TARDBP: variants seen among roughly 807,000 people sequenced by gnomAD.
TARDBP encodes the protein TAR DNA-binding protein 43.
TARDBP carries 4 observed loss-of-function variants against 38.3 expected under a neutral mutation model. That is an observed-to-expected ratio of 0.10 (90% CI 0.05 to 0.24). TARDBP has a LOEUF of 0.24. Ranked by LOEUF, TARDBP falls within the 10% of genes least tolerant of loss-of-function variation. TARDBP has a pLI of 1.00. For missense variants in TARDBP, 202 were observed against 521.9 expected, an observed-to-expected ratio of 0.39 and a Z score of 5.97; for synonymous variants, 184 against 183.8, an observed-to-expected ratio of 1.00 and a Z score of -0.01.
chr1:11,023,672 G>GT lies in TARDBP; in HGVS notation c.*1023dup. On this transcript the variant is annotated 3_prime_UTR_variant, in exon 6 of 6. Coordinates refer to ENST00000240185, the MANE Select transcript of TARDBP (RefSeq NM_007375.4). Reference sequence around the variant, plus strand: ...CATCTGTTGGAAGACTTTTAAGTGAGTTTTTGTTCTTAGATAACCCACATT... The same window carrying GT: ...CATCTGTTGGAAGACTTTTAAGTGAGTTTTTTGTTCTTAGATAACCCACATT... 1 of 196,876 alleles carries GT rather than the reference G, an allele frequency of 5.1e-6. No individual in the cohort carries two copies. The highest frequency in any genetic ancestry group is 1.0e-5 in the Non-Finnish European group (1 of 96,118). The allele number at this position is 196,876 out of a possible 1,614,324, so 12.2% of individuals were successfully genotyped here. A position where few individuals can be genotyped will look rare whatever the true frequency, so the allele number is the denominator to read the frequency against.
chr1:11,028,820 TCTC>T (rs1348965556), downstream of TARDBP, among the ~76,000 whole-genome samples: 1 of 150,514 alleles, frequency 6.6e-6, no homozygotes, highest in Non-Finnish European at 1.5e-5. Context: ...TTCATGCCAT[TCTC>T]CTGCCTCAGC....
At chr1:11,027,440 C>T, downstream of TARDBP, 1 of 1,614,124 alleles carries the variant, frequency 6.2e-7, no homozygotes, top group Non-Finnish European at 8.5e-7. Flanking sequence ...ATAGTCTTTT[C>T]AGGGTGCCCA....
chr1:11,029,687 G>T (rs1643809504), downstream of TARDBP: 1 of 120,014 alleles, frequency 8.3e-6, no homozygotes, highest in Non-Finnish European at 1.6e-5. Flanking sequence ...TGTTGCCCAG[G>T]CTAGAGTATA....
chr1:11,030,110 T>C (rs1643817401), downstream of TARDBP: 2 of 1,181,986 alleles, frequency 1.7e-6, no homozygotes, highest in Non-Finnish European at 2.5e-6. Flanking sequence ...AAAGCTCTCC[T>C]CACTGTCTCC....
At chr1:11,018,665 A>G in intron 3 of TARDBP, 68 bp from the exon 4 acceptor site, 1 of 1,608,836 alleles carries the variant, frequency 6.2e-7, no homozygotes, top group Non-Finnish European at 8.5e-7. Flanking sequence ...TTTCTAAGGA[A>G]CTATGATTTG....
At chr1:11,018,624 CA>C (rs1643576211) in intron 3 of TARDBP, 108 bp from the exon 4 acceptor site, 1 of 1,494,628 alleles carries the variant, frequency 6.7e-7, no homozygotes, top group Admixed American at 1.7e-5. Flanking sequence ...AGTTTTAAGC[CA>C]CTGCATCCAG....
At chr1:11,013,643 T>G in intron 1 of TARDBP, 73 bp from the exon 2 acceptor site, 2 of 1,240,878 alleles carry the variant, frequency 1.6e-6, no homozygotes, top group Non-Finnish European at 2.3e-6. Context: ...CTGACATGGT[T>G]TGGGTATTAT....
chr1:11,020,039 TTAG>T (rs368081442), intron 4 of TARDBP, among the ~76,000 whole-genome samples: 114 of 151,734 alleles, frequency 7.5e-4, no homozygotes, highest in African/African-American at 2.6e-3. Flanking sequence ...GATTTTTGTA[TTAG>T]TAGAGGTGGG....
chr1:11,017,397 T>TA (rs1643549299), intron 3 of TARDBP, among the ~76,000 whole-genome samples: 1 of 152,132 alleles, frequency 6.6e-6, no homozygotes, highest in Non-Finnish European at 1.5e-5. Flanking sequence ...AGACAGGGTT[T>TA]CACCCGTTGG....
chr1:11,027,727 G>GTA, downstream of TARDBP: 25 of 1,462,428 alleles, frequency 1.7e-5, no homozygotes, highest in Non-Finnish European at 2.3e-5. Flanking sequence ...CCGCCTTGAA[G>GTA]TATATATTTG....
downstream of TARDBP, chr1:11,025,743 G>T (rs1441479463): frequency 6.5e-6 from 1 of 152,736 alleles, no homozygotes. Flanking sequence ...TTTTAGGAAG[G>T]AATAGCCAGC....
At chr1:11,028,092 G>A (rs1317231504), downstream of TARDBP, among the ~76,000 whole-genome samples, 1 of 151,886 alleles carries the variant, frequency 6.6e-6, no homozygotes, top group Non-Finnish European at 1.5e-5. Context: ...CGTGGTGATG[G>A]GCACCTGTAA....
downstream of TARDBP, among the ~76,000 whole-genome samples, chr1:11,028,702 T>TTG (rs1557665439): frequency 4.6e-5 from 5 of 109,750 alleles, no homozygotes; most frequent in East Asian, 1.2e-3. Context: ...TCTGGGTTTT[T>TTG]TTTCTTTTTT....
In TARDBP at chr1:11,016,728, G is replaced by T. The variant is rs74054478; in HGVS notation, c.239-116G>T. ...AACATCACTTCTTGCCAAGTTTTCAGTGTCTTATTCTTCTTAGAGTCTTCT... is the reference window on the plus strand; with the variant it reads ...AACATCACTTCTTGCCAAGTTTTCATTGTCTTATTCTTCTTAGAGTCTTCT... On this transcript the variant is annotated intron_variant, in intron 2 of 5. Coordinates refer to ENST00000240185, the MANE Select transcript of TARDBP (RefSeq NM_007375.4). 2,279 of 1,089,124 alleles carry T rather than the reference G, an allele frequency of 2.1e-3. 35 individuals are homozygous for T. In the African/African-American group the frequency reaches 0.033, roughly 16 times the overall value. The allele number at this position is 1,089,124 out of a possible 1,614,324, so 67.5% of individuals were successfully genotyped here. A position where few individuals can be genotyped will look rare whatever the true frequency, so the allele number is the denominator to read the frequency against.
chr1:11,014,985 T>C (rs1187157209), intron 2 of TARDBP, among the ~76,000 whole-genome samples: 1 of 151,894 alleles, frequency 6.6e-6, no homozygotes, highest in Non-Finnish European at 1.5e-5. Context: ...CGGGGGCCTG[T>C]AGTCCCAGCT....
Position 11,022,504 on chromosome 1 carries a change from G to A in TARDBP, c.1095G>A (p.Gln365=). Residue 365 remains glutamine (Q), a synonymous_variant, in exon 6 of 6, where the codon CAG becomes CAA. Coordinates refer to ENST00000240185, the MANE Select transcript of TARDBP (RefSeq NM_007375.4). This position sits in a 1 kb window ranked among gnomAD's most constrained non-coding sequence, Gnocchi z 4.5. ...NQGNMQREPN[Q]AFGSGNNSYS... Reference sequence around the variant, plus strand: ...GCAACATGCAGAGGGAGCCAAACCAGGCCTTCGGTTCTGGAAATAACTCTT... The same window carrying A: ...GCAACATGCAGAGGGAGCCAAACCAAGCCTTCGGTTCTGGAAATAACTCTT... The A allele has an allele frequency of 6.3e-7, 1 of 1,598,912 alleles. No homozygotes were observed. The highest frequency in any genetic ancestry group is 8.5e-7 in the Non-Finnish European group (1 of 1,169,706).
intron 3 of TARDBP, among the ~76,000 whole-genome samples, chr1:11,017,408 C>T (rs1162136788): frequency 1.3e-5 from 2 of 152,066 alleles, no homozygotes; most frequent in African/African-American, 2.4e-5. Context: ...CACCCGTTGG[C>T]CAGGCTGTTC....
At chr1:11,021,392 C>A (rs1643635914) in intron 5 of TARDBP, among the ~76,000 whole-genome samples, 1 of 152,168 alleles carries the variant, frequency 6.6e-6, no homozygotes, top group Non-Finnish European at 1.5e-5. Flanking sequence ...CTGCCCATCT[C>A]AGCCTCCCAA....
At chr1:11,027,514 C>T, downstream of TARDBP, 1 of 1,614,134 alleles carries the variant, frequency 6.2e-7, no homozygotes, top group Admixed American at 1.7e-5. Context: ...GCTGTTAGGA[C>T]CCAGTTGTCA....
Sources: allele counts gnomAD v4.1 joint callset (sites outside exome capture counted in the v4.1 genomes callset), GRCh38; gene constraint gnomAD v4.1.1; non-coding constraint Gnocchi (gnomAD v3.1); transcripts MANE v1.5; gene names NCBI Gene and HGNC (gene_info 2026-07-23, HGNC 2026-07-21).